The following FAM3B variants were observed in gnomAD, a reference collection of about 807,000 sequenced individuals.
The protein encoded by FAM3B is protein FAM3B.
A neutral mutation model predicts 28.4 loss-of-function variants in FAM3B; 29 were observed. That is an observed-to-expected ratio of 1.02 (90% CI 0.76 to 1.39). FAM3B has a LOEUF of 1.39. Ranked by LOEUF, FAM3B falls within the 40% of genes most tolerant of loss-of-function variation. The pLI is 0.00. For synonymous variants in FAM3B, 91 were observed against 103.0 expected (o/e 0.88, Z 0.71); for missense variants, 266 against 293.9 (o/e 0.91, Z 0.69).
chr21:41,338,355 A>C (rs2088973968), intron 2 of FAM3B, 23 bp from the exon 3 acceptor site: 2 of 1,613,540 alleles, frequency 1.2e-6, no homozygotes, highest in Admixed American at 1.7e-5. Flanking sequence ...GTTAATGGCT[A>C]TATACTTTCT....
At chr21:41,322,140 C>G (rs1015831558) in intron 1 of FAM3B, among the ~76,000 whole-genome samples, 1 of 152,130 alleles carries the variant, frequency 6.6e-6, no homozygotes, top group African/African-American at 2.4e-5. Flanking sequence ...ATTTAGGGAG[C>G]AAACTCTAAA....
rs1359668486 is a variant in FAM3B, at chr21:41,326,079, G to A, written c.163+3013G>A. ...GGCATAAGAAACAGGAGACTAAATA[G>A]AAGGTCCGCCGTTCTCCCTGGCTAG... On this transcript the variant is annotated intron_variant, in intron 2 of 7. Transcript: ENST00000357985. The surrounding 1 kb of genome is among the most constrained non-coding windows in gnomAD (Gnocchi z 4.0). Among the ~76,000 whole-genome samples, 1 of 152,218 alleles carries A rather than the reference G, an allele frequency of 6.6e-6. No homozygotes were observed. Among genetic ancestry groups the A allele is most frequent in the Non-Finnish European group, 1.5e-5 (1 of 68,046 alleles).
intron 2 of FAM3B, among the ~76,000 whole-genome samples, chr21:41,328,622 C>T (rs997679612): frequency 1.3e-5 from 2 of 152,206 alleles, no homozygotes; most frequent in Non-Finnish European, 2.9e-5. Context: ...GAATTACAGG[C>T]ATGAGCCACT....
chr21:41,356,519 A>G (rs1306677993), intron 7 of FAM3B, among the ~76,000 whole-genome samples: 5 of 152,190 alleles, frequency 3.3e-5, no homozygotes, highest in Non-Finnish European at 4.4e-5. Flanking sequence ...TTTCTACTGA[A>G]TGCATTACCT....
At chr21:41,353,823 G>C (rs949589635) in intron 7 of FAM3B, among the ~76,000 whole-genome samples, 2 of 152,154 alleles carry the variant, frequency 1.3e-5, no homozygotes, top group African/African-American at 4.8e-5. Flanking sequence ...TAAAACTTTT[G>C]TCCTTCCAGC....
Position 41,340,830 on chromosome 21 carries a change from C to T in FAM3B, c.287+2329C>T, listed in dbSNP as rs568638113. 3.9e-4 allele frequency among the ~76,000 whole-genome samples: 60 copies of T among 152,186 alleles called. 1 individual carries two copies. Among genetic ancestry groups the T allele is most frequent in the Non-Finnish European group, 7.1e-4 (48 of 67,992 alleles). On this transcript the variant is annotated intron_variant, in intron 3 of 7. Transcript: ENST00000357985. ...CCCTGTATTCTCCACCTTTTCTCCC[C>T]ACCTCTTGTTCCCATCTCCATTAAT...
intron 1 of FAM3B, chr21:41,320,578 G>C (rs1026678799): frequency 3.3e-5 from 5 of 152,272 alleles, no homozygotes; most frequent in Admixed American, 2.6e-4. Flanking sequence ...CTGAGCACAG[G>C]CTGCTGGTTC....
chr21:41,316,236 C>T (rs1369736568), upstream of FAM3B, among the ~76,000 whole-genome samples: 1 of 152,178 alleles, frequency 6.6e-6, no homozygotes, highest in Non-Finnish European at 1.5e-5. Flanking sequence ...AGACCCATGC[C>T]GTGGCCAGAG....
chr21:41,346,104 C>T (rs2089057572), intron 5 of FAM3B: 3 of 210,172 alleles, frequency 1.4e-5, no homozygotes, highest in Non-Finnish European at 2.8e-5. Flanking sequence ...CCTTTGAAAG[C>T]TGTCACGATT....
chr21:41,349,180 A>C (rs17000823), intron 7 of FAM3B, among the ~76,000 whole-genome samples: 21,481 of 152,230 alleles, frequency 0.14, 3,411 homozygotes, highest in African/African-American at 0.39. Context: ...GATTGATTCT[A>C]AGTCCCTCCC....
intron 2 of FAM3B, 127 bp downstream of exon 2, chr21:41,323,193 A>C: frequency 7.5e-7 from 1 of 1,329,738 alleles, no homozygotes; most frequent in Non-Finnish European, 1.0e-6. Context: ...AGGAGGAGAG[A>C]AGCATTTTGC....
chr21:41,327,287 T>A (rs985170258), intron 2 of FAM3B, among the ~76,000 whole-genome samples: 4 of 152,260 alleles, frequency 2.6e-5, no homozygotes, highest in Non-Finnish European at 4.4e-5. Context: ...GAAGTACTCC[T>A]TGGCTTTGTT....
At position 41,357,234 on chromosome 21, in the gene FAM3B, C is replaced by T. The variant is rs2089175589; in HGVS notation, c.*37C>T. The T allele has an allele frequency of 7.0e-7, 1 of 1,420,834 alleles. No homozygotes were observed. Among genetic ancestry groups the T allele is most frequent in the Admixed American group, 1.9e-5 (1 of 53,006 alleles). The allele number at this position is 1,420,834 out of a possible 1,614,324, so 88.0% of individuals were successfully genotyped here. A position where few individuals can be genotyped will look rare whatever the true frequency, so the allele number is the denominator to read the frequency against. Reference sequence around the variant, plus strand: ...CCTGAGTAAATGTGTTCTGTATAAACAAATGCAGCTGGAATCGCTCAAGAA... The same window carrying T: ...CCTGAGTAAATGTGTTCTGTATAAATAAATGCAGCTGGAATCGCTCAAGAA... On this transcript the variant is annotated 3_prime_UTR_variant, in exon 8 of 8. Transcript: ENST00000357985.
chr21:41,317,531 G>A (rs1022969662), intron 1 of FAM3B, among the ~76,000 whole-genome samples: 1 of 152,066 alleles, frequency 6.6e-6, no homozygotes, highest in Admixed American at 6.6e-5. Flanking sequence ...AGACCATCTC[G>A]GGTCCTGGTG....
upstream of FAM3B, among the ~76,000 whole-genome samples, chr21:41,312,324 A>G (rs1164847704): frequency 6.6e-6 from 1 of 152,204 alleles, no homozygotes; most frequent in Non-Finnish European, 1.5e-5. Context: ...TTATACATCC[A>G]TCATTTAAAA....
chr21:41,346,935 G>C (rs2089065974), intron 5 of FAM3B, 78 bp from the exon 6 acceptor site: 1 of 1,252,306 alleles, frequency 8.0e-7, no homozygotes, highest in South Asian at 1.2e-5. Context: ...GAATGCAGGT[G>C]CAGGAGGAAG....
chr21:41,323,135 T>C, intron 2 of FAM3B, 69 bp downstream of exon 2: 1 of 1,577,288 alleles, frequency 6.3e-7, no homozygotes, highest in South Asian at 1.1e-5. Flanking sequence ...TGGTGGTTTC[T>C]GTCCCAGCTG....
At chr21:41,332,452 A>T (rs1174933443) in intron 2 of FAM3B, among the ~76,000 whole-genome samples, 1 of 152,188 alleles carries the variant, frequency 6.6e-6, no homozygotes, top group Admixed American at 6.5e-5. Flanking sequence ...TTTGGCATCT[A>T]CGTTCATCCG....
chr21:41,324,918 G>A (rs770217453), intron 2 of FAM3B, among the ~76,000 whole-genome samples: 8 of 152,018 alleles, frequency 5.3e-5, no homozygotes, highest in South Asian at 2.1e-4. Context: ...CTTGGCCAAC[G>A]TGGTGAAACC....
Sources: gnomAD v4.1 joint callset for allele counts (sites outside exome capture counted in the v4.1 genomes callset) on GRCh38, gnomAD v4.1.1 for gene constraint, Gnocchi (gnomAD v3.1) non-coding constraint, MANE v1.5 for transcripts, NCBI Gene and HGNC (gene_info 2026-07-23, HGNC 2026-07-21) for gene names.